PSG11: variants seen among roughly 807,000 people sequenced by gnomAD.
PSG11 encodes pregnancy specific beta-1-glycoprotein 11.
A neutral mutation model predicts 36.0 loss-of-function variants in PSG11; 42 were observed. That is an observed-to-expected ratio of 1.17 (90% CI 0.91 to 1.51). The LOEUF (loss-of-function observed/expected upper bound fraction) is 1.51, where lower values mean the gene tolerates loss of function less well. Ranked by LOEUF, PSG11 falls within the 40% of genes most tolerant of loss-of-function variation. PSG11 has a pLI of 0.00. For missense variants in PSG11, 558 were observed against 403.5 expected (o/e 1.38, Z -3.28); for synonymous variants, 206 against 153.5 (o/e 1.34, Z -2.53).
At chr19:43,022,506 G>A (rs190657513) in intron 2 of PSG11, among the ~76,000 whole-genome samples, 14 of 151,478 alleles carry the variant, frequency 9.2e-5, no homozygotes, top group African/African-American at 3.2e-4. Context: ...CACTGGGGAG[G>A]CTGATTTCAG....
intron 4 of PSG11, chr19:43,010,485 A>C (rs1270763013): frequency 2.1e-5 from 22 of 1,061,426 alleles, no homozygotes; most frequent in Non-Finnish European, 2.7e-5. Flanking sequence ...CTTTGCACAG[A>C]AAGCTTCTTT....
chr19:43,018,807 A>C lies in PSG11; in HGVS notation c.672T>G (p.Ser224Arg), dbSNP rs188724242. The change falls in exon 3 of 6, where the codon AGT becomes AGG. Residue 224 changes from serine to arginine, a missense_variant. Physicochemically the swap from Ser to Arg is moderately radical, Grantham distance 110 (BLOSUM62 -1). Coordinates refer to ENST00000320078, the MANE Select transcript of PSG11 (RefSeq NM_002785.3). ...PYECEIWNSG[S>R]ASRSDPVTLN... ...GGGTGACTGGGTCACTGCGGCTGGC[A>C]CTCCCTGAGTTCCATATTTCACATT... 278 of 1,611,682 alleles carry C rather than the reference A, an allele frequency of 1.7e-4. 9 individuals are homozygous for C. The East Asian group carries it at 5.7e-3, about 33-fold the overall frequency.
intron 4 of PSG11, chr19:43,014,732 T>G: frequency 8.2e-7 from 1 of 1,214,982 alleles, no homozygotes. Context: ...AAGCCTCAGA[T>G]GTTCCTTGTA....
chr19:43,016,433 C>T (rs1568488430), intron 3 of PSG11, among the ~76,000 whole-genome samples: 2 of 151,070 alleles, frequency 1.3e-5, no homozygotes, highest in Admixed American at 6.6e-5. Flanking sequence ...CTACTTTGCC[C>T]CCCTAGATGT....
At chr19:43,020,352 C>T (rs1261489309) in intron 2 of PSG11, among the ~76,000 whole-genome samples, 1 of 151,322 alleles carries the variant, frequency 6.6e-6, no homozygotes, top group Non-Finnish European at 1.5e-5. Flanking sequence ...TTTTTAGCAT[C>T]ACATCAGTGG....
At chr19:43,022,467 C>T (rs1967124394) in intron 2 of PSG11, among the ~76,000 whole-genome samples, 2 of 151,374 alleles carry the variant, frequency 1.3e-5, no homozygotes, top group South Asian at 2.1e-4. Context: ...GCCCCTGAAA[C>T]TATCCTTGAA....
intron 2 of PSG11, among the ~76,000 whole-genome samples, chr19:43,020,251 T>A (rs1967071228): frequency 6.6e-6 from 1 of 151,490 alleles, no homozygotes; most frequent in Non-Finnish European, 1.5e-5. Flanking sequence ...AATTCTAATT[T>A]TTTTTATTTT....
chr19:43,016,847 C>T (rs1966979169), intron 3 of PSG11, among the ~76,000 whole-genome samples: 1 of 151,416 alleles, frequency 6.6e-6, no homozygotes, highest in Non-Finnish European at 1.5e-5. Context: ...TCCAGAAATA[C>T]ATGTGGACAT....
At chr19:43,014,731 A>G (rs775920633) in intron 4 of PSG11, 1 of 1,214,398 alleles carries the variant, frequency 8.2e-7, no homozygotes. Flanking sequence ...AAAGCCTCAG[A>G]TGTTCCTTGT....
intron 4 of PSG11, chr19:43,014,203 T>C (rs1247246899): frequency 1.1e-5 from 5 of 446,418 alleles, no homozygotes; most frequent in African/African-American, 2.2e-5. Context: ...GATGGTTACA[T>C]AACACTAAAT....
At chr19:43,008,631 T>A (rs1973993030) in intron 5 of PSG11, among the ~76,000 whole-genome samples, 1 of 151,266 alleles carries the variant, frequency 6.6e-6, no homozygotes, top group Non-Finnish European at 1.5e-5. Context: ...AGGTTTAGCA[T>A]CACTTATCCC....
intron 2 of PSG11, chr19:43,019,732 C>T (rs112186747): frequency 0.045 from 6,942 of 152,770 alleles, 780 homozygotes; most frequent in African/African-American, 0.16. Flanking sequence ...GTGAAGGGGA[C>T]AGGCAAGAGC....
At chr19:43,010,844 G>C (rs1007197752) in intron 4 of PSG11, 1 of 149,192 alleles carries the variant, frequency 6.7e-6, no homozygotes, top group Non-Finnish European at 1.5e-5. Context: ...TCTCCCACAA[G>C]TAGTCAGTAG....
At chr19:43,022,458 C>A (rs914111235) in intron 2 of PSG11, among the ~76,000 whole-genome samples, 1 of 151,312 alleles carries the variant, frequency 6.6e-6, no homozygotes, top group Admixed American at 6.6e-5. Context: ...TAGTCCTGTG[C>A]CCCTGAAACT....
At chr19:43,023,294 TTTC>T (rs1679896217) in intron 2 of PSG11, among the ~76,000 whole-genome samples, 1 of 150,808 alleles carries the variant, frequency 6.6e-6, no homozygotes, top group African/African-American at 2.5e-5. Context: ...GGATCATTCA[TTTC>T]TTCATTCCAT....
intron 4 of PSG11, among the ~76,000 whole-genome samples, chr19:43,012,660 A>G (rs1974106082): frequency 1.3e-5 from 2 of 151,706 alleles, no homozygotes; most frequent in South Asian, 2.1e-4. Flanking sequence ...ATGGAAAGAC[A>G]TTTTGTTTTC....
chr19:43,025,936 CTTTT>C (rs1195259262), intron 1 of PSG11, among the ~76,000 whole-genome samples: 19 of 68,148 alleles, frequency 2.8e-4, no homozygotes, highest in East Asian at 2.5e-3. Context: ...TTTTTTTTCT[CTTTT>C]TTTTTTTTTT....
In PSG11 at chr19:43,015,039, G is replaced by A. The variant is rs1349905046; in HGVS notation, c.964+77C>T. 11 of 1,608,272 alleles carry A rather than the reference G, an allele frequency of 6.8e-6. 1 individual carries two copies. The East Asian group carries it at 2.5e-4, about 36-fold the overall frequency. ...TGGGACACAGGCTGGGAATAAAAAT[G>A]TTTTCCTGACTCTTCTCTGAAAGCT... is the stretch of plus-strand genomic sequence containing the variant. On this transcript the variant is annotated intron_variant, in intron 4 of 5. Coordinates refer to ENST00000320078, the MANE Select transcript of PSG11 (RefSeq NM_002785.3).
In PSG11 at chr19:43,017,374, A is replaced by G. The variant is rs1441029343; in HGVS notation, c.709+1396T>C. 2 of 151,458 alleles carry G rather than the reference A, an allele frequency of 1.3e-5. 1 individual carries two copies. The highest frequency in any genetic ancestry group is 4.9e-5 in the African/African-American group (2 of 41,040). The allele number at this position is 151,458 out of a possible 1,614,324, so 9.4% of individuals were successfully genotyped here. Reference sequence around the variant, plus strand: ...ATCAGATTAGTAGACAAAAGTGGGAAGTGATAAGCCAAATATATTCTTGCC... The same window carrying G: ...ATCAGATTAGTAGACAAAAGTGGGAGGTGATAAGCCAAATATATTCTTGCC... On this transcript the variant is annotated intron_variant, in intron 3 of 5. Transcript: ENST00000320078.
Sources: allele counts gnomAD v4.1 joint callset (sites outside exome capture counted in the v4.1 genomes callset), GRCh38; gene constraint gnomAD v4.1.1; transcripts MANE v1.5; gene names NCBI Gene and HGNC (gene_info 2026-07-23, HGNC 2026-07-21).